Variants in NXPE4 observed in about 807,000 individuals in gnomAD.
The protein encoded by NXPE4 is neurexophilin and PC-esterase domain family member 4, also known as NXPE family member 4.
NXPE4 carries 42 observed loss-of-function variants against 33.3 expected under a neutral mutation model. The observed-to-expected ratio is 1.26, with a 90% CI of 0.98 to 1.63. NXPE4 has a LOEUF of 1.63. Among genes scored for constraint, NXPE4 ranks in the 40% most tolerant of loss-of-function variants. The pLI, the probability that NXPE4 is intolerant of heterozygous loss-of-function variation, is 0.00. For missense variants in NXPE4, 709 were observed against 647.6 expected (o/e 1.09, Z -1.03); for synonymous variants, 253 against 234.9 (o/e 1.08, Z -0.71).
chr11:114,625,279 C>A, the NXPE4 span, among the ~76,000 whole-genome samples: 1 of 152,200 alleles, frequency 6.6e-6, no homozygotes, highest in East Asian at 1.9e-4. Flanking sequence ...ATACGAGTTG[C>A]CTCATGCGTA....
the NXPE4 span, among the ~76,000 whole-genome samples, chr11:114,604,506 G>C: frequency 9.2e-5 from 14 of 152,062 alleles, no homozygotes; most frequent in African/African-American, 3.1e-4. Flanking sequence ...GTTGCCTCTT[G>C]GGTAACCACT....
At chr11:114,636,265 T>C in the NXPE4 span, among the ~76,000 whole-genome samples, 15 of 151,998 alleles carry the variant, frequency 9.9e-5, no homozygotes, top group African/African-American at 3.4e-4. Flanking sequence ...GTGTTTGTAG[T>C]ATTCTCTGAT....
the NXPE4 span, among the ~76,000 whole-genome samples, chr11:114,638,984 G>T: frequency 1.3e-5 from 2 of 152,042 alleles, no homozygotes; most frequent in Non-Finnish European, 2.9e-5. Flanking sequence ...GAGAACCACT[G>T]CTCTCTTCAA....
At chr11:114,638,194 C>G in the NXPE4 span, among the ~76,000 whole-genome samples, 1 of 151,954 alleles carries the variant, frequency 6.6e-6, no homozygotes, top group African/African-American at 2.4e-5. Flanking sequence ...AACTTCCCTT[C>G]TCGCTTCATT....
At chr11:114,647,210 T>G in the NXPE4 span, among the ~76,000 whole-genome samples, 1 of 152,236 alleles carries the variant, frequency 6.6e-6, no homozygotes, top group African/African-American at 2.4e-5. Flanking sequence ...ACCTTCTACA[T>G]TCGTAGATTT....
chr11:114,583,444 G>A (rs1301085173), intron 2 of NXPE4: 2 of 669,124 alleles, frequency 3.0e-6, no homozygotes, highest in African/African-American at 1.8e-5. Flanking sequence ...CTGAGGAGAT[G>A]ACCAAGTACC....
At chr11:114,659,689 G>C in the NXPE4 span, among the ~76,000 whole-genome samples, 8 of 152,172 alleles carry the variant, frequency 5.3e-5, no homozygotes, top group South Asian at 1.7e-3. Context: ...TGAGGGATAA[G>C]TTGTAACATT....
At chr11:114,591,246 G>A (rs972273441) in intron 2 of NXPE4, among the ~76,000 whole-genome samples, 1 of 152,152 alleles carries the variant, frequency 6.6e-6, no homozygotes. Context: ...AATTAAGCAA[G>A]GGAAAGGTAG....
chr11:114,601,806 A>G, the NXPE4 span, among the ~76,000 whole-genome samples: 41 of 74,606 alleles, frequency 5.5e-4, 1 homozygote, highest in South Asian at 4.2e-4. Flanking sequence ...ATGATTATAT[A>G]TTATATAATT....
At chr11:114,586,108 T>A (rs948819697) in intron 2 of NXPE4, among the ~76,000 whole-genome samples, 1 of 152,182 alleles carries the variant, frequency 6.6e-6, no homozygotes, top group Admixed American at 6.5e-5. Context: ...TTTTTTGCCC[T>A]GTGTAAATCA....
chr11:114,629,222 A>C, the NXPE4 span, among the ~76,000 whole-genome samples: 2 of 150,710 alleles, frequency 1.3e-5, no homozygotes, highest in Non-Finnish European at 3.0e-5. Context: ...ACAACCAAAA[A>C]AGAATTTTAG....
chr11:114,670,733 A>G, the NXPE4 span, among the ~76,000 whole-genome samples: 1 of 151,864 alleles, frequency 6.6e-6, no homozygotes, highest in East Asian at 1.9e-4. Context: ...AACAACAACA[A>G]CATCAAGTTC....
chr11:114,596,943 T>G (rs1414491794), upstream of NXPE4, among the ~76,000 whole-genome samples: 1 of 152,216 alleles, frequency 6.6e-6, no homozygotes, highest in Non-Finnish European at 1.5e-5. Context: ...GGTCATCTGA[T>G]GAGCTTTGAA....
the NXPE4 span, among the ~76,000 whole-genome samples, chr11:114,635,008 T>C: frequency 6.6e-6 from 1 of 151,816 alleles, no homozygotes; most frequent in Non-Finnish European, 1.5e-5. Context: ...AAGAAAGTCA[T>C]TGGTAGCTTG....
chr11:114,601,195 A>G, the NXPE4 span, among the ~76,000 whole-genome samples: 8 of 151,526 alleles, frequency 5.3e-5, no homozygotes, highest in Non-Finnish European at 1.2e-4. Flanking sequence ...TGTCACTCAA[A>G]TAGCATACAT....
the NXPE4 span, among the ~76,000 whole-genome samples, chr11:114,644,689 G>GGTA: frequency 6.6e-6 from 1 of 151,860 alleles, no homozygotes; most frequent in East Asian, 1.9e-4. Flanking sequence ...TCATAAAGAT[G>GGTA]GTAATTCCCC....
At chr11:114,600,841 A>G in the NXPE4 span, among the ~76,000 whole-genome samples, 4 of 152,084 alleles carry the variant, frequency 2.6e-5, no homozygotes, top group South Asian at 2.1e-4. Flanking sequence ...AGAATCCTCT[A>G]TACTATTTTG....
intron 2 of NXPE4, among the ~76,000 whole-genome samples, chr11:114,590,684 C>A (rs1487535359): frequency 6.6e-6 from 1 of 152,094 alleles, no homozygotes; most frequent in Non-Finnish European, 1.5e-5. Flanking sequence ...GGCCTGAGGA[C>A]CAGCTCAACA....
chr11:114,584,256 T>C, intron 2 of NXPE4: 1 of 477,596 alleles, frequency 2.1e-6, no homozygotes, highest in South Asian at 1.7e-5. Flanking sequence ...ATGATTACTT[T>C]GAATACTTTG....
Sources: gnomAD v4.1 joint callset for allele counts (sites outside exome capture counted in the v4.1 genomes callset) on GRCh38, gnomAD v4.1.1 for gene constraint, MANE v1.5 for transcripts, NCBI Gene and HGNC (gene_info 2026-07-23, HGNC 2026-07-21) for gene names.